ALPK2: variants seen among roughly 807,000 people sequenced by gnomAD.
The protein encoded by ALPK2 is alpha kinase 2.
Under a neutral mutation model 163.1 loss-of-function variants are expected in ALPK2, and 127 were observed. The observed-to-expected ratio is 0.78, with a 90% CI of 0.67 to 0.90. The LOEUF (loss-of-function observed/expected upper bound fraction) is 0.90, where lower values mean the gene tolerates loss of function less well. ALPK2 is among the 40% of genes least tolerant of loss of function. The pLI is 0.00. For missense variants in ALPK2, 2,360 were observed against 2,589.6 expected (o/e 0.91, Z 1.92); for synonymous variants, 953 against 959.1 (o/e 0.99, Z 0.12).
rs1224547831 is a variant in ALPK2, at chr18:58,514,293, C to T, written c.6029+700G>A. 2.0e-5 allele frequency among the ~76,000 whole-genome samples: 3 copies of T among 152,260 alleles called. No homozygotes were observed. In the East Asian group the frequency reaches 5.8e-4, roughly 29 times the overall value. On this transcript the variant is annotated intron_variant, in intron 10 of 12. Transcript: ENST00000361673. ...CAATGCAGACAAGAATTTCTTCCTTCTTCCTTCTCCCAGTTTTTACTCATA... is the reference window on the plus strand; with the variant it reads ...CAATGCAGACAAGAATTTCTTCCTTTTTCCTTCTCCCAGTTTTTACTCATA...
At chr18:58,576,907 G>C (rs566094292) in intron 4 of ALPK2, among the ~76,000 whole-genome samples, 1 of 152,340 alleles carries the variant, frequency 6.6e-6, no homozygotes, top group East Asian at 1.9e-4. Flanking sequence ...AGTGAGAAAA[G>C]GTCTCTCCAC....
chr18:58,626,213 A>G (rs1022263251), intron 1 of ALPK2, among the ~76,000 whole-genome samples: 1 of 152,148 alleles, frequency 6.6e-6, no homozygotes, highest in East Asian at 1.9e-4. Context: ...AAGATGTCTG[A>G]TAAAGTTCTT....
chr18:58,564,733 G>A (rs1443944502), intron 4 of ALPK2, among the ~76,000 whole-genome samples: 1 of 152,078 alleles, frequency 6.6e-6, no homozygotes, highest in Admixed American at 6.6e-5. Context: ...TTACACTGAG[G>A]AAAGAGGCCC....
At chr18:58,487,100 C>A (rs1262184820) in intron 12 of ALPK2, among the ~76,000 whole-genome samples, 1 of 152,170 alleles carries the variant, frequency 6.6e-6, no homozygotes, top group East Asian at 1.9e-4. Flanking sequence ...TCCTTGCCCA[C>A]CCCATCCCCA....
intron 1 of ALPK2, among the ~76,000 whole-genome samples, chr18:58,627,286 G>T (rs1278162924): frequency 2.0e-5 from 3 of 152,148 alleles, no homozygotes; most frequent in South Asian, 2.1e-4. Context: ...CTACCTAAAA[G>T]CTTCCCAAAA....
chr18:58,607,487 G>GT, intron 2 of ALPK2, 48 bp from the exon 3 acceptor site: 1 of 1,223,856 alleles, frequency 8.2e-7, no homozygotes, highest in Non-Finnish European at 1.1e-6. Flanking sequence ...AGTATTTTTA[G>GT]GAAAAAAAAA....
intron 4 of ALPK2, among the ~76,000 whole-genome samples, chr18:58,567,825 G>A (rs2051864242): frequency 6.6e-6 from 1 of 152,142 alleles, no homozygotes; most frequent in African/African-American, 2.4e-5. Context: ...TGCCCTCAGT[G>A]GTCCTCTCTC....
chr18:58,573,246 G>GTATATATGTA, intron 4 of ALPK2, among the ~76,000 whole-genome samples: 1 of 133,142 alleles, frequency 7.5e-6, no homozygotes, highest in South Asian at 2.3e-4. Context: ...GTATATATGT[G>GTATATATGTA]TATATATGTA....
In ALPK2 at chr18:58,537,654, C is replaced by G. The variant is rs2051660653; in HGVS notation, c.2533G>C (p.Gly845Arg). The G allele has an allele frequency of 3.1e-6, 5 of 1,613,648 alleles. No homozygotes were observed. Among genetic ancestry groups the G allele is most frequent in the Non-Finnish European group, 4.2e-6 (5 of 1,179,624 alleles). The stretch of plus-strand genomic sequence containing the variant: ...CATAAATCAGATACTTTGTTTTGAC[C>G]TTCTGCCAGTTCCGTATCTACAGAG... ...ICSVDTELAE[G>R]QNKVSDLCSS... Residue 845 changes from glycine (G) to arginine (R), a missense_variant, in exon 5 of 13, where the codon GGT (glycine) becomes CGT (arginine). By Grantham distance (125) the Gly-to-Arg change is moderately radical. Transcript: ENST00000361673.
At chr18:58,619,937 G>A (rs1555678457) in intron 1 of ALPK2, among the ~76,000 whole-genome samples, 1 of 152,230 alleles carries the variant, frequency 6.6e-6, no homozygotes, top group Non-Finnish European at 1.5e-5. Context: ...ACTAGTGAAT[G>A]GGTAGACAAA....
chr18:58,498,020 T>A, intron 12 of ALPK2, 29 bp downstream of exon 12: 4 of 1,611,436 alleles, frequency 2.5e-6, no homozygotes, highest in Non-Finnish European at 3.4e-6. Flanking sequence ...CAGTGTTAAT[T>A]GATGCACACT....
In ALPK2 at chr18:58,579,128, T is replaced by G; in HGVS notation, c.1648A>C (p.Asn550His). The stretch of plus-strand genomic sequence containing the variant: ...GTTGTACTTTCTCTCAGGTTGGCAT[T>G]CGGCTTCTTGGGATTTCCCTTCATT... Reference protein sequence around the residue: ...PGMKGNPKKPNANLRESTTEG... With the variant: ...PGMKGNPKKPHANLRESTTEG... The change falls in exon 4 of 13, where the codon AAT becomes CAT. Residue 550 changes from asparagine (N) to histidine (H), a missense_variant. Asn to His is a moderately conservative substitution (Grantham distance 68). Coordinates refer to ENST00000361673, the MANE Select transcript of ALPK2 (RefSeq NM_052947.4). 1 of 1,614,196 alleles carries G rather than the reference T, an allele frequency of 6.2e-7. No homozygotes were observed. Among genetic ancestry groups the G allele is most frequent in the Non-Finnish European group, 8.5e-7 (1 of 1,180,030 alleles).
At chr18:58,590,898 G>A (rs995265768) in intron 3 of ALPK2, among the ~76,000 whole-genome samples, 1 of 152,176 alleles carries the variant, frequency 6.6e-6, no homozygotes, top group East Asian at 1.9e-4. Context: ...CCCCGGTTCT[G>A]CTCTCTATCA....
chr18:58,495,927 C>T (rs1039183859), intron 12 of ALPK2, among the ~76,000 whole-genome samples: 7 of 152,136 alleles, frequency 4.6e-5, no homozygotes, highest in South Asian at 2.1e-4. Context: ...CTAGGGCTGG[C>T]GGATGCTTGC....
Position 58,536,563 on chromosome 18 carries a change from C to A in ALPK2, c.3624G>T (p.Leu1208=). The change falls in exon 5 of 13, where the codon CTG becomes CTT. Residue 1208 remains leucine (L), a synonymous_variant. Coordinates refer to ENST00000361673, the MANE Select transcript of ALPK2 (RefSeq NM_052947.4). The stretch of plus-strand genomic sequence containing the variant: ...TATCAGAGAGAGATGGAACGTTGCT[C>A]AGAGCCTGACTGTCTTCTTCCCCAG... The part of the protein sequence containing the change: ...ETAGEEDSQA[L]SNVPSLSDIL... The A allele has an allele frequency of 6.2e-7, 1 of 1,614,054 alleles. No individual in the cohort carries two copies. Among genetic ancestry groups the A allele is most frequent in the Non-Finnish European group, 8.5e-7 (1 of 1,180,026 alleles).
At chr18:58,528,529 C>A (rs1326315589) in intron 6 of ALPK2, among the ~76,000 whole-genome samples, 1 of 150,846 alleles carries the variant, frequency 6.6e-6, no homozygotes, top group African/African-American at 2.4e-5. Flanking sequence ...GGAGTAGCAC[C>A]TTGTCTCAAA....
Position 58,529,102 on chromosome 18 carries a change from T to G in ALPK2, c.5490A>C (p.Gln1830His). 6.2e-7 allele frequency: 1 copy of G among 1,614,128 alleles called. No individual in the cohort carries two copies. The highest frequency in any genetic ancestry group is 1.1e-5 in the South Asian group (1 of 91,076). ...CWTKDSKSIA[Q>H]VQRSAGDNST... ...GAAAAACATCGCACCTTCTCTGCAC[T>G]TGGGCTATGGACTTTGAATCTTTTG... Residue 1830 changes from glutamine (Q) to histidine (H), a missense_variant, in exon 6 of 13, where the codon CAA (glutamine) becomes CAC (histidine). Transcript: ENST00000361673.
In ALPK2 at chr18:58,536,230, G is replaced by A. The variant is rs1602206340; in HGVS notation, c.3957C>T (p.Pro1319=). 1 of 1,614,172 alleles carries A rather than the reference G, an allele frequency of 6.2e-7. No homozygotes were observed. Among genetic ancestry groups the A allele is most frequent in the East Asian group, 2.2e-5 (1 of 44,874 alleles). The part of the protein sequence containing the change: ...DSRESHKGEE[P]TISVHWRSLS... The stretch of plus-strand genomic sequence containing the variant: ...GACTTCTCCAATGTACACTGATGGT[G>A]GGCTCTTCGCCTTTATGGCTTTCTC... The change falls in exon 5 of 13, where the codon CCC becomes CCT. Residue 1319 remains proline (P), a synonymous_variant. Coordinates refer to ENST00000361673, the MANE Select transcript of ALPK2 (RefSeq NM_052947.4).
intron 3 of ALPK2, among the ~76,000 whole-genome samples, chr18:58,590,080 G>T (rs1820623696): frequency 6.6e-6 from 1 of 152,108 alleles, no homozygotes; most frequent in South Asian, 2.1e-4. Flanking sequence ...AATTAGCCAG[G>T]TGTGGTGGCA....
Sources: allele counts gnomAD v4.1 joint callset (sites outside exome capture counted in the v4.1 genomes callset), GRCh38; gene constraint gnomAD v4.1.1; transcripts MANE v1.5; gene names NCBI Gene and HGNC (gene_info 2026-07-23, HGNC 2026-07-21).